The following IQCE variants were observed in gnomAD, a reference collection of about 807,000 sequenced individuals.
The protein encoded by IQCE is IQ motif containing E.
A neutral mutation model predicts 96.0 loss-of-function variants in IQCE; 115 were observed. That is an observed-to-expected ratio of 1.20 (90% CI 1.03 to 1.40). The LOEUF is 1.40. Ranked by LOEUF, IQCE falls within the 40% of genes most tolerant of loss-of-function variation. IQCE has a pLI of 0.00. For synonymous variants in IQCE, 412 were observed against 371.2 expected, an observed-to-expected ratio of 1.11 and a Z score of -1.26; for missense variants, 1,041 against 909.1, an observed-to-expected ratio of 1.15 and a Z score of -1.87.
At chr7:2,596,178 G>C (rs6959667) in intron 16 of IQCE, among the ~76,000 whole-genome samples, 1 of 152,202 alleles carries the variant, frequency 6.6e-6, no homozygotes, top group East Asian at 1.9e-4. Flanking sequence ...AAGATCGCTC[G>C]AGCCCAGGAG....
At chr7:2,589,875 T>G in intron 13 of IQCE, 32 bp from the exon 14 acceptor site, 1 of 1,594,230 alleles carries the variant, frequency 6.3e-7, no homozygotes, top group Non-Finnish European at 8.6e-7. Flanking sequence ...AAATGAGAAC[T>G]AGTATCTAAC....
intron 15 of IQCE, among the ~76,000 whole-genome samples, chr7:2,594,428 T>C (rs1231867459): frequency 1.3e-5 from 2 of 152,248 alleles, no homozygotes; most frequent in Non-Finnish European, 2.9e-5. Context: ...TGCCTTCTGT[T>C]CATACTGTTT....
chr7:2,559,096 T>G lies in IQCE; in HGVS notation c.-86T>G. On this transcript the variant is annotated 5_prime_UTR_variant, in exon 1 of 22. Coordinates refer to ENST00000402050, the MANE Select transcript of IQCE (RefSeq NM_152558.5). ...CCGGCGCCAGGGAAGGCCCCGAGGCTGCGGGCGGCCAGGGCTGCCCGCGGA... is the reference window on the plus strand; with the variant it reads ...CCGGCGCCAGGGAAGGCCCCGAGGCGGCGGGCGGCCAGGGCTGCCCGCGGA... 2.8e-6 allele frequency: 2 copies of G among 725,962 alleles called. No homozygotes were observed. Among genetic ancestry groups the G allele is most frequent in the Non-Finnish European group, 3.6e-6 (2 of 550,688 alleles). The allele number at this position is 725,962 out of a possible 1,614,324, so 45.0% of individuals were successfully genotyped here.
chr7:2,572,075 C>T (rs1047331032), intron 4 of IQCE, 117 bp from the exon 5 acceptor site: 25 of 1,098,052 alleles, frequency 2.3e-5, no homozygotes, highest in African/African-American at 4.7e-5. Context: ...ACGACACTGA[C>T]GGCTGGCGTC....
intron 1 of IQCE, among the ~76,000 whole-genome samples, chr7:2,561,389 A>T (rs1780943447): frequency 6.6e-6 from 1 of 151,088 alleles, no homozygotes; most frequent in East Asian, 1.9e-4. Context: ...TCTTAATTTC[A>T]TTTCAGCTTA....
intron 1 of IQCE, among the ~76,000 whole-genome samples, chr7:2,562,720 GTTTCTAT>G (rs920801535): frequency 2.0e-5 from 3 of 147,972 alleles, no homozygotes; most frequent in African/African-American, 7.5e-5. Flanking sequence ...TTTTTCTATT[GTTTCTAT>G]TTTCTATTTC....
rs150420068 is a variant in IQCE at position 2,598,999 on chromosome 7, C to T, written c.1608+367C>T. ...CCAGCAGTTTTACATCCTCACCTAA[C>T]GGCCCTTCCTATTCACATTTCCCAA... On this transcript the variant is annotated intron_variant, in intron 17 of 21. Coordinates refer to ENST00000402050, the MANE Select transcript of IQCE (RefSeq NM_152558.5). Among the ~76,000 whole-genome samples, 206 of 152,308 alleles carry T rather than the reference C, an allele frequency of 1.4e-3. 1 individual carries two copies. The highest frequency in any genetic ancestry group is 4.7e-3 in the African/African-American group (197 of 41,548).
intron 17 of IQCE, 140 bp from the exon 18 acceptor site, chr7:2,601,301 G>GCAGCTC (rs1276598091): frequency 2.1e-5 from 14 of 665,498 alleles, no homozygotes; most frequent in Middle Eastern, 3.8e-4. Context: ...CTGGGTCCCG[G>GCAGCTC]CAGCTCGGGA....
chr7:2,589,784 A>G (rs968027579), intron 13 of IQCE, 123 bp from the exon 14 acceptor site: 4 of 913,048 alleles, frequency 4.4e-6, no homozygotes, highest in African/African-American at 1.6e-5. Flanking sequence ...GGGTCCCCTC[A>G]AAGCTTTCTC....
chr7:2,611,038 G>A lies in IQCE; in HGVS notation c.*876G>A, dbSNP rs563378367. 1.3e-3 allele frequency: 194 copies of A among 152,398 alleles called. 1 individual carries two copies. The highest frequency in any genetic ancestry group is 2.3e-3 in the Non-Finnish European group (154 of 68,416). The allele number at this position is 152,398 out of a possible 1,614,324, so 9.4% of individuals were successfully genotyped here. Reference sequence around the variant, plus strand: ...AAGGGACAGCATAGGCTCGTGGTGGGGCGTGTTGCATCTGGTGTCTGGGAC... The same window carrying A: ...AAGGGACAGCATAGGCTCGTGGTGGAGCGTGTTGCATCTGGTGTCTGGGAC... On this transcript the variant is annotated 3_prime_UTR_variant, in exon 22 of 22. Transcript: ENST00000402050.
At chr7:2,598,411 C>T in intron 16 of IQCE, 54 bp from the exon 17 acceptor site, 1 of 1,490,596 alleles carries the variant, frequency 6.7e-7, no homozygotes, top group Non-Finnish European at 9.0e-7. Flanking sequence ...TTGCCGGATA[C>T]TGGTTGTCCC....
At chr7:2,568,482 A>G (rs993067236) in intron 2 of IQCE, among the ~76,000 whole-genome samples, 50 of 152,298 alleles carry the variant, frequency 3.3e-4, no homozygotes, top group Middle Eastern at 3.4e-3. Context: ...GGTGTTTGGC[A>G]TCGTGGTTGT....
In IQCE at chr7:2,598,533, C is replaced by T. The variant is rs754960469; in HGVS notation, c.1509C>T (p.Ser503=). 8.7e-6 allele frequency: 14 copies of T among 1,610,946 alleles called. 1 individual carries two copies. Among genetic ancestry groups the T allele is most frequent in the Admixed American group, 1.7e-5 (1 of 59,472 alleles). ...AGCAAGACTGGCCGCCGGATTCCAG[C>T]GAGGAGGGGCTCCCGCGGCCCCGCT... ...HCEQDWPPDS[S]EEGLPRPRSP... The change falls in exon 17 of 22, where the codon AGC becomes AGT. Residue 503 remains serine, a synonymous_variant. Transcript: ENST00000402050.
Position 2,571,529 on chromosome 7 carries a change from C to T in IQCE, c.134C>T (p.Ser45Leu), listed in dbSNP as rs779894222. 5.2e-5 allele frequency: 84 copies of T among 1,606,266 alleles called. No individual in the cohort carries two copies. The highest frequency in any genetic ancestry group is 6.9e-5 in the Non-Finnish European group (81 of 1,179,986). ...ATCCACGTGTTGGCTTTTCCAGAGTCACCTTATCTCTCTAAGCCGAGAAAA... is the reference window on the plus strand; with the variant it reads ...ATCCACGTGTTGGCTTTTCCAGAGTTACCTTATCTCTCTAAGCCGAGAAAA... ...FHKPPPTSPK[S>L]PYLSKPRKVA... Residue 45 changes from serine (S) to leucine (L), a missense_variant, in exon 4 of 22, where the codon TCA (serine) becomes TTA (leucine). By Grantham distance (145) the Ser-to-Leu change is moderately radical (BLOSUM62 -2). Transcript: ENST00000402050.
Position 2,594,934 on chromosome 7 carries a change from G to A in IQCE, c.1398G>A (p.Met466Ile). ...LTSKLQELQE[M>I]KKEEKEDCPE... The stretch of plus-strand genomic sequence containing the variant: ...GCAAGCTCCAAGAATTGCAAGAAAT[G>A]AAGAAAGAAGAGAAAGAGGATTGCC... The change falls in exon 16 of 22, where the codon ATG (methionine) becomes ATA (isoleucine). Residue 466 changes from methionine to isoleucine, a missense_variant. Physicochemically the swap from Met to Ile is conservative, Grantham distance 10. Transcript: ENST00000402050. The A allele has an allele frequency of 6.2e-7, 1 of 1,613,998 alleles. No individual in the cohort carries two copies. Among genetic ancestry groups the A allele is most frequent in the African/African-American group, 1.3e-5 (1 of 75,056 alleles).
Position 2,572,340 on chromosome 7 carries a change from T to C in IQCE, c.394+14T>C, listed in dbSNP as rs1251836149. ...CTGCCAGCAACGGTGAGCATGCCGA[T>C]GGTGGCGAGGCTGAGGCCAAGGAAG... is the stretch of plus-strand genomic sequence containing the variant. On this transcript the variant is annotated intron_variant, in intron 5 of 21. Coordinates refer to ENST00000402050, the MANE Select transcript of IQCE (RefSeq NM_152558.5). 6.2e-7 allele frequency: 1 copy of C among 1,612,892 alleles called. No individual in the cohort carries two copies. The highest frequency in any genetic ancestry group is 8.5e-7 in the Non-Finnish European group (1 of 1,179,382).
chr7:2,603,079 A>G (rs537367740), intron 18 of IQCE, among the ~76,000 whole-genome samples: 1 of 152,094 alleles, frequency 6.6e-6, no homozygotes, highest in Non-Finnish European at 1.5e-5. Flanking sequence ...ACCCTTGTCC[A>G]TACCCATCTC....
chr7:2,582,534 A>G, intron 8 of IQCE, 46 bp from the exon 9 acceptor site: 1 of 1,548,752 alleles, frequency 6.5e-7, no homozygotes, highest in Non-Finnish European at 8.9e-7. Context: ...GCTTCTACTG[A>G]GGGAGAGAGG....
At chr7:2,597,103 G>A in intron 16 of IQCE, 1 of 470,830 alleles carries the variant, frequency 2.1e-6, no homozygotes, top group South Asian at 1.5e-5. Flanking sequence ...ACCTGGGCCA[G>A]GGCCTTTATC....
Sources: allele counts gnomAD v4.1 joint callset (sites outside exome capture counted in the v4.1 genomes callset), GRCh38; gene constraint gnomAD v4.1.1; transcripts MANE v1.5; gene names NCBI Gene and HGNC (gene_info 2026-07-23, HGNC 2026-07-21).